Variants in KIF16B observed in about 807,000 individuals in gnomAD.
The protein encoded by KIF16B is kinesin-like protein KIF16B.
KIF16B carries 98 observed loss-of-function variants against 156.3 expected under a neutral mutation model. The ratio of observed to expected loss-of-function variants is 0.63; its 90% CI spans 0.53 to 0.74. KIF16B has a LOEUF of 0.74. KIF16B is among the 30% of genes least tolerant of loss of function. KIF16B has a pLI of 0.00. For missense variants in KIF16B, 1,421 were observed against 1,606.5 expected, an observed-to-expected ratio of 0.88 and a Z score of 1.97; for synonymous variants, 564 against 583.7, an observed-to-expected ratio of 0.97 and a Z score of 0.49.
At chr20:16,392,064 T>G (rs912713450) in intron 17 of KIF16B, among the ~76,000 whole-genome samples, 2 of 152,178 alleles carry the variant, frequency 1.3e-5, no homozygotes, top group Non-Finnish European at 2.9e-5. Flanking sequence ...CATGCTCTCA[T>G]GTTTACAATA....
chr20:16,493,398 C>G (rs1006811246), intron 12 of KIF16B, among the ~76,000 whole-genome samples: 1 of 152,202 alleles, frequency 6.6e-6, no homozygotes, highest in Non-Finnish European at 1.5e-5. Flanking sequence ...CCCTGTGAAA[C>G]AGTAATTAGG....
At chr20:16,440,975 GTGAAAATA>G (rs1172442450) in intron 12 of KIF16B, among the ~76,000 whole-genome samples, 2 of 152,118 alleles carry the variant, frequency 1.3e-5, no homozygotes, top group African/African-American at 2.4e-5. Flanking sequence ...GAAATTACGT[GTGAAAATA>G]TGCAAGAGCA....
At chr20:16,453,931 C>A (rs1199663306) in intron 12 of KIF16B, among the ~76,000 whole-genome samples, 2 of 152,156 alleles carry the variant, frequency 1.3e-5, no homozygotes, top group Admixed American at 6.5e-5. Flanking sequence ...GAATTCTAGC[C>A]TGTGAACTTG....
At chr20:16,341,752 C>A (rs976153322) in intron 23 of KIF16B, among the ~76,000 whole-genome samples, 3 of 152,206 alleles carry the variant, frequency 2.0e-5, no homozygotes, top group African/African-American at 7.2e-5. Flanking sequence ...TCTGACCAAC[C>A]CTCCAGGGAA....
At chr20:16,563,212 G>A (rs989928358) in intron 1 of KIF16B, among the ~76,000 whole-genome samples, 1 of 152,178 alleles carries the variant, frequency 6.6e-6, no homozygotes, top group Admixed American at 6.5e-5. Flanking sequence ...AGGAGTGACC[G>A]AAGGCAAGCT....
intron 23 of KIF16B, among the ~76,000 whole-genome samples, chr20:16,352,395 C>T (rs1051747201): frequency 6.6e-6 from 1 of 152,164 alleles, no homozygotes; most frequent in Non-Finnish European, 1.5e-5. Context: ...GTATAGAAGA[C>T]AGTCCTTTTG....
intron 11 of KIF16B, among the ~76,000 whole-genome samples, chr20:16,495,907 T>C (rs1487163347): frequency 6.6e-6 from 1 of 152,146 alleles, no homozygotes; most frequent in African/African-American, 2.4e-5. Context: ...CCCAGGCTGG[T>C]CTTGAGCTCC....
At chr20:16,547,619 CTG>C (rs2070463903) in intron 1 of KIF16B, among the ~76,000 whole-genome samples, 3 of 6,150 alleles carry the variant, frequency 4.9e-4, no homozygotes, top group Non-Finnish European at 7.3e-4. Context: ...TGGTCTCACT[CTG>C]AGCATGCTGC....
chr20:16,456,914 G>A (rs911907920), intron 12 of KIF16B, among the ~76,000 whole-genome samples: 2 of 152,180 alleles, frequency 1.3e-5, no homozygotes, highest in Admixed American at 1.3e-4. Flanking sequence ...TCAGGGCATA[G>A]AACTGACTAT....
intron 15 of KIF16B, among the ~76,000 whole-genome samples, chr20:16,420,316 C>T (rs991713936): frequency 1.3e-5 from 2 of 152,088 alleles, no homozygotes; most frequent in African/African-American, 4.8e-5. Context: ...ATAGAATTTG[C>T]CCTCAATGTT....
At chr20:16,410,065 A>G (rs866557939) in intron 15 of KIF16B, among the ~76,000 whole-genome samples, 9 of 96,964 alleles carry the variant, frequency 9.3e-5, no homozygotes, top group Non-Finnish European at 1.6e-4. Context: ...ATATATATAT[A>G]TGTAGGTACA....
intron 10 of KIF16B, among the ~76,000 whole-genome samples, chr20:16,501,997 A>G (rs1241285304): frequency 1.3e-5 from 2 of 152,170 alleles, no homozygotes. Flanking sequence ...ATTTTGGGGG[A>G]TAATACGTCA....
chr20:16,422,288 C>A (rs554210686), intron 15 of KIF16B, among the ~76,000 whole-genome samples: 1 of 152,146 alleles, frequency 6.6e-6, no homozygotes, highest in South Asian at 2.1e-4. Flanking sequence ...AGACAGTGTC[C>A]GTGTGTGTGC....
At chr20:16,302,176 G>A (rs1169374327) in intron 25 of KIF16B, among the ~76,000 whole-genome samples, 1 of 152,114 alleles carries the variant, frequency 6.6e-6, no homozygotes, top group Non-Finnish European at 1.5e-5. Flanking sequence ...CACTGGTGTT[G>A]TATCTAAAAA....
chr20:16,374,391 C>A lies in KIF16B; in HGVS notation c.3216G>T (p.Gln1072His). 6.3e-7 allele frequency: 1 copy of A among 1,586,032 alleles called. No homozygotes were observed. Among genetic ancestry groups the A allele is most frequent in the East Asian group, 2.3e-5 (1 of 44,130 alleles). The change falls in exon 20 of 26, where the codon CAG becomes CAT. Residue 1072 changes from glutamine (Q) to histidine (H), a missense_variant. By Grantham distance (24) the Gln-to-His change is conservative. Coordinates refer to ENST00000354981, the MANE Select transcript of KIF16B (RefSeq NM_024704.5). Reference sequence around the variant, plus strand: ...CCTCATAAATCTTCTGTTTCAGCTGCTGGATTTCATATTCTAACCTACACA... The same window carrying A: ...CCTCATAAATCTTCTGTTTCAGCTGATGGATTTCATATTCTAACCTACACA... Reference protein sequence around the residue: ...KDQERLEYEIQQLKQKIYEVD... With the variant: ...KDQERLEYEIHQLKQKIYEVD...
rs560329282 is a variant in KIF16B, at chr20:16,400,160, C to A, written c.1784+4653G>T. 2.6e-3 allele frequency among the ~76,000 whole-genome samples: 399 copies of A among 152,310 alleles called. 2 individuals are homozygous for A. Among genetic ancestry groups the A allele is most frequent in the Non-Finnish European group, 4.5e-3 (308 of 68,030 alleles). ...TCATGTAATCATCAGGAAATCCATC[C>A]AGGTTAGATTTACATTCATCATTTA... On this transcript the variant is annotated intron_variant, in intron 17 of 25. Coordinates refer to ENST00000354981, the MANE Select transcript of KIF16B (RefSeq NM_024704.5).
chr20:16,492,962 A>G (rs952961925), intron 12 of KIF16B, among the ~76,000 whole-genome samples: 1 of 152,212 alleles, frequency 6.6e-6, no homozygotes, highest in Admixed American at 6.5e-5. Flanking sequence ...AATGCAACTT[A>G]AACAACAACA....
intron 12 of KIF16B, among the ~76,000 whole-genome samples, chr20:16,461,110 C>T (rs187015872): frequency 2.0e-5 from 3 of 151,632 alleles, no homozygotes; most frequent in Non-Finnish European, 2.9e-5. Context: ...GACATGCAGA[C>T]GTTAATATTT....
intron 24 of KIF16B, among the ~76,000 whole-genome samples, chr20:16,327,203 T>C (rs2063869792): frequency 6.6e-6 from 1 of 151,238 alleles, no homozygotes; most frequent in African/African-American, 2.4e-5. Flanking sequence ...ACCTCAGGAA[T>C]GAAAAACCAA....
Sources: allele counts gnomAD v4.1 joint callset (sites outside exome capture counted in the v4.1 genomes callset), GRCh38; gene constraint gnomAD v4.1.1; transcripts MANE v1.5; gene names NCBI Gene and HGNC (gene_info 2026-07-23, HGNC 2026-07-21).